Variants in TRDMT1 observed in about 807,000 individuals in gnomAD.
TRDMT1 encodes the protein tRNA aspartic acid methyltransferase 1.
TRDMT1 carries 49 observed loss-of-function variants against 51.2 expected under a neutral mutation model. That is an observed-to-expected ratio of 0.96 (90% CI 0.76 to 1.21). The LOEUF (loss-of-function observed/expected upper bound fraction) is 1.21. Ranked by LOEUF, TRDMT1 falls within the 50% of genes most tolerant of loss-of-function variation. The pLI is 0.00. For missense variants in TRDMT1, 534 were observed against 462.3 expected, an observed-to-expected ratio of 1.16 and a Z score of -1.42; for synonymous variants, 187 against 164.6, an observed-to-expected ratio of 1.14 and a Z score of -1.04.
chr10:17,162,282 T>C, intron 3 of TRDMT1, 45 bp from the exon 4 acceptor site: 2 of 1,508,512 alleles, frequency 1.3e-6, no homozygotes, highest in Non-Finnish European at 1.8e-6. Flanking sequence ...ACACAGAAAG[T>C]TTATTAAGAA....
Position 17,177,448 on chromosome 10 carries a change from T to C in TRDMT1, c.65-2788A>G, listed in dbSNP as rs201070354. On this transcript the variant is annotated intron_variant, in intron 1 of 10. Coordinates refer to ENST00000377799, the MANE Select transcript of TRDMT1 (RefSeq NM_004412.7). ...AACTCCTAACCTCAAGTGATCTGCC[T>C]GCCTCAGCCTTCCAAAGTGCTGGGA... Among the ~76,000 whole-genome samples the C allele has an allele frequency of 1.3e-4, 20 of 152,186 alleles. No individual in the cohort carries two copies. The East Asian group carries it at 3.7e-3, about 28-fold the overall frequency.
Position 17,146,316 on chromosome 10 carries a change from AG to A in TRDMT1, c.*2723del. 1.0e-6 allele frequency: 1 copy of A among 985,422 alleles called. No homozygotes were observed. Among genetic ancestry groups the A allele is most frequent in the South Asian group, 4.7e-5 (1 of 21,288 alleles). 61.0% of individuals were successfully genotyped at this position (985,422 alleles called of 1,614,324 possible). A position where few individuals can be genotyped will look rare whatever the true frequency, so the allele number is the denominator to read the frequency against. Reference sequence around the variant, plus strand: ...TTTCTCATCTTTCCAGACATAGGGCAGTGCCCATGGTGAAGGTCTGATTTCA... The same window carrying A: ...TTTCTCATCTTTCCAGACATAGGGCATGCCCATGGTGAAGGTCTGATTTCA... On this transcript the variant is annotated 3_prime_UTR_variant, in exon 11 of 11. Coordinates refer to ENST00000377799, the MANE Select transcript of TRDMT1 (RefSeq NM_004412.7).
intron 3 of TRDMT1, among the ~76,000 whole-genome samples, chr10:17,166,084 T>C (rs905570283): frequency 4.7e-4 from 72 of 152,182 alleles, no homozygotes; most frequent in Non-Finnish European, 5.7e-4. Flanking sequence ...ATGTTTATTG[T>C]GGCACTATTC....
At chr10:17,175,446 T>C (rs575389064) in intron 1 of TRDMT1, among the ~76,000 whole-genome samples, 1 of 152,236 alleles carries the variant, frequency 6.6e-6, no homozygotes, top group Non-Finnish European at 1.5e-5. Flanking sequence ...TAGCTATATT[T>C]TACAATGACC....
At chr10:17,150,450 C>A (rs1176899654) in intron 10 of TRDMT1, 49 of 985,208 alleles carry the variant, frequency 5.0e-5, no homozygotes, top group Non-Finnish European at 5.9e-5. Context: ...TTGCTACATT[C>A]CTTTCTTAAA....
chr10:17,161,444 C>A, intron 5 of TRDMT1, 39 bp downstream of exon 5: 1 of 1,297,952 alleles, frequency 7.7e-7, no homozygotes. Flanking sequence ...TAAGATATAC[C>A]AAGTCTAAGA....
In TRDMT1 at chr10:17,168,964, T is replaced by A. The variant is rs373117459; in HGVS notation, c.175-47A>T. On this transcript the variant is annotated intron_variant, in intron 2 of 10. Transcript: ENST00000377799. ...GGAAAAAAGAACATAAAAACATGGATAGAATGGGGAAGAGGGAAAATACTA... is the reference window on the plus strand; with the variant it reads ...GGAAAAAAGAACATAAAAACATGGAAAGAATGGGGAAGAGGGAAAATACTA... 6 of 1,274,818 alleles carry A rather than the reference T, an allele frequency of 4.7e-6. No individual in the cohort carries two copies. In the African/African-American group the frequency reaches 8.9e-5, roughly 19 times the overall value. 79.0% of individuals were successfully genotyped at this position (1,274,818 alleles called of 1,614,324 possible). A position where few individuals can be genotyped will look rare whatever the true frequency, so the allele number is the denominator to read the frequency against.
chr10:17,186,955 T>C (rs1279323057), intron 1 of TRDMT1, among the ~76,000 whole-genome samples: 1 of 152,198 alleles, frequency 6.6e-6, no homozygotes, highest in Non-Finnish European at 1.5e-5. Flanking sequence ...CACATTAGAA[T>C]AAAGATTTTA....
In TRDMT1 at chr10:17,145,614, G is replaced by A; in HGVS notation, c.*3426C>T. The A allele has an allele frequency of 1.0e-6, 1 of 985,402 alleles. No individual in the cohort carries two copies. Among genetic ancestry groups the A allele is most frequent in the East Asian group, 1.1e-4 (1 of 8,808 alleles). 61.0% of individuals were successfully genotyped at this position (985,402 alleles called of 1,614,324 possible). A position where few individuals can be genotyped will look rare whatever the true frequency, so the allele number is the denominator to read the frequency against. ...CAAGCCGAAGGCCAAATTATGACAA[G>A]GTAACCTGTTCATAACATAAGCAAT... On this transcript the variant is annotated 3_prime_UTR_variant, in exon 11 of 11. Transcript: ENST00000377799.
intron 1 of TRDMT1, among the ~76,000 whole-genome samples, chr10:17,191,470 G>A (rs1265449596): frequency 1.3e-5 from 2 of 152,182 alleles, no homozygotes; most frequent in Non-Finnish European, 2.9e-5. Context: ...AAACTCCGAA[G>A]CGGCAAGAGT....
At position 17,145,902 on chromosome 10, in the gene TRDMT1, T is replaced by G; in HGVS notation, c.*3138A>C. The stretch of plus-strand genomic sequence containing the variant: ...TAAAATTAAATCAGTTGTATTTATC[T>G]TTAGTTCATTTCTCTCTCCTCAGAA... On this transcript the variant is annotated 3_prime_UTR_variant, in exon 11 of 11. Transcript: ENST00000377799. The G allele has an allele frequency of 1.0e-6, 1 of 985,480 alleles. No homozygotes were observed. The highest frequency in any genetic ancestry group is 1.2e-6 in the Non-Finnish European group (1 of 829,948). The allele number at this position is 985,480 out of a possible 1,614,324, so 61.0% of individuals were successfully genotyped here.
intron 1 of TRDMT1, among the ~76,000 whole-genome samples, chr10:17,178,190 A>G (rs2131541328): frequency 6.6e-6 from 1 of 152,336 alleles, no homozygotes; most frequent in Non-Finnish European, 1.5e-5. Flanking sequence ...TTAATCAAGT[A>G]TGTTAACACT....
chr10:17,191,132 G>T (rs1564341516), intron 1 of TRDMT1, among the ~76,000 whole-genome samples: 1 of 152,148 alleles, frequency 6.6e-6, no homozygotes, highest in Admixed American at 6.5e-5. Context: ...CAACCAGGAG[G>T]CCAGGGAGCC....
rs898589800 is a variant in TRDMT1, at chr10:17,140,291, T to C, written c.*8749A>G. ...GGCTGGTCTTGAACTCCTGACCTCA[T>C]GGTCCGTTCACTTCGACCTCCCAAA... On this transcript the variant is annotated 3_prime_UTR_variant, in exon 11 of 11. Transcript: ENST00000377799. Among the ~76,000 whole-genome samples, 1 of 150,968 alleles carries C rather than the reference T, an allele frequency of 6.6e-6. No individual in the cohort carries two copies. Among genetic ancestry groups the C allele is most frequent in the African/African-American group, 2.4e-5 (1 of 40,950 alleles).
intron 1 of TRDMT1, among the ~76,000 whole-genome samples, chr10:17,182,016 G>C (rs1438736002): frequency 6.6e-6 from 1 of 152,186 alleles, no homozygotes; most frequent in African/African-American, 2.4e-5. Flanking sequence ...GAGCCAGTAA[G>C]ACTAGCCAGA....
At position 17,159,149 on chromosome 10, in the gene TRDMT1, AC is replaced by A; in HGVS notation, c.539del (p.Gly180ValfsTer4). ...AATAAAATTCCAATAATAATACCTG[AC>A]CAGGGGCTTGAAAGGGTAATGGCTC... The part of the protein sequence containing the change: ...QSEPLPFQAP[G>X]QVLMEFPKIE... On this transcript the variant is annotated frameshift_variant, in exon 7 of 11. Transcript: ENST00000377799. LOFTEE classifies it high-confidence loss of function. 6.3e-7 allele frequency: 1 copy of A among 1,586,478 alleles called. No homozygotes were observed. The highest frequency in any genetic ancestry group is 8.6e-7 in the Non-Finnish European group (1 of 1,166,714).
chr10:17,151,694 T>C (rs1382840796), intron 10 of TRDMT1: 1 of 913,074 alleles, frequency 1.1e-6, no homozygotes, highest in Non-Finnish European at 1.3e-6. Flanking sequence ...CAACTTAAAA[T>C]TTTAAAAAAT....
Position 17,146,962 on chromosome 10 carries a change from A to T in TRDMT1, c.*2078T>A, listed in dbSNP as rs1838167431. ...GGGCAAGAATCACCGTCTTCCTGTG[A>T]ATACATTCCCATAATTTAAGAATTC... On this transcript the variant is annotated 3_prime_UTR_variant, in exon 11 of 11. Transcript: ENST00000377799. 2 of 985,336 alleles carry T rather than the reference A, an allele frequency of 2.0e-6. No homozygotes were observed. Among genetic ancestry groups the T allele is most frequent in the Non-Finnish European group, 2.4e-6 (2 of 829,936 alleles). 61.0% of individuals were successfully genotyped at this position (985,336 alleles called of 1,614,324 possible). A position where few individuals can be genotyped will look rare whatever the true frequency, so the allele number is the denominator to read the frequency against.
chr10:17,169,939 G>A (rs1039981587), intron 2 of TRDMT1, among the ~76,000 whole-genome samples: 9 of 152,164 alleles, frequency 5.9e-5, no homozygotes, highest in African/African-American at 2.2e-4. Flanking sequence ...CCTACACTGA[G>A]CAGTCTGCCA....
Sources: gnomAD v4.1 joint callset for allele counts (sites outside exome capture counted in the v4.1 genomes callset) on GRCh38, gnomAD v4.1.1 for gene constraint, MANE v1.5 for transcripts, NCBI Gene and HGNC (gene_info 2026-07-23, HGNC 2026-07-21) for gene names.